The following LCOR variants were observed in gnomAD, a reference collection of about 807,000 sequenced individuals.
LCOR encodes ligand dependent nuclear receptor corepressor.
Under a neutral mutation model 64.4 loss-of-function variants are expected in LCOR, and 14 were observed. The ratio of observed to expected loss-of-function variants is 0.22; its 90% CI spans 0.14 to 0.34. The LOEUF is 0.34. Ranked by LOEUF, LCOR falls within the 10% of genes least tolerant of loss-of-function variation. The pLI, the probability that LCOR is intolerant of heterozygous loss-of-function variation, is 1.00. For synonymous variants in LCOR, 643 were observed against 642.5 expected, an observed-to-expected ratio of 1.00 and a Z score of -0.01; for missense variants, 1,686 against 1,765.3, an observed-to-expected ratio of 0.96 and a Z score of 0.80.
rs1161421154 is a variant in LCOR, at chr10:96,992,172, C to T, written c.*7038C>T. On this transcript the variant is annotated 3_prime_UTR_variant, in exon 8 of 8. Coordinates refer to ENST00000421806, the MANE Select transcript of LCOR (RefSeq NM_001346516.2). ...CTATAGCTTAAGGTTATTGATTTCA[C>T]TAGTGTGGTTTCTGCATTCTAAATA... 4 of 152,014 alleles carry T rather than the reference C, an allele frequency of 2.6e-5. No homozygotes were observed. The highest frequency in any genetic ancestry group is 3.2e-3 in the Middle Eastern group (1 of 316). 9.4% of individuals were successfully genotyped at this position (152,014 alleles called of 1,614,324 possible).
At chr10:96,884,078 A>G (rs1326848159) in intron 2 of LCOR, among the ~76,000 whole-genome samples, 1 of 152,212 alleles carries the variant, frequency 6.6e-6, no homozygotes, top group South Asian at 2.1e-4. Context: ...TGCATAAATT[A>G]TTCAAGTTCA....
chr10:96,852,328 G>A (rs1245636304), intron 2 of LCOR, among the ~76,000 whole-genome samples: 2 of 152,142 alleles, frequency 1.3e-5, no homozygotes, highest in South Asian at 4.1e-4. Flanking sequence ...AGACTGAGGT[G>A]GGAGGATTGC....
chr10:96,832,833 C>G, intron 1 of LCOR: 2 of 231,428 alleles, frequency 8.6e-6, no homozygotes, highest in Non-Finnish European at 1.4e-5. Flanking sequence ...TGCTCGGCCC[C>G]CACCCGCGCT....
At chr10:96,935,604 C>T (rs983285092) in intron 4 of LCOR, among the ~76,000 whole-genome samples, 2 of 152,216 alleles carry the variant, frequency 1.3e-5, no homozygotes, top group African/African-American at 4.8e-5. Flanking sequence ...GAGGCCAAGG[C>T]AGGAGGATTG....
intron 2 of LCOR, among the ~76,000 whole-genome samples, chr10:96,878,327 T>C (rs1345483937): frequency 6.6e-6 from 1 of 152,182 alleles, no homozygotes; most frequent in Non-Finnish European, 1.5e-5. Flanking sequence ...CTGGAAGTTA[T>C]TGCATCAATC....
chr10:96,921,164 T>G (rs1035155774), intron 4 of LCOR, among the ~76,000 whole-genome samples: 1 of 152,130 alleles, frequency 6.6e-6, no homozygotes, highest in African/African-American at 2.4e-5. Flanking sequence ...ATATCAGATA[T>G]ATAATTTGCA....
intron 4 of LCOR, among the ~76,000 whole-genome samples, chr10:96,939,384 T>G (rs1847408426): frequency 6.6e-6 from 1 of 152,164 alleles, no homozygotes; most frequent in South Asian, 2.1e-4. Context: ...AAGTACGCCC[T>G]AAAAGTATAA....
rs747980484 is a variant in LCOR at position 96,983,769 on chromosome 10, T to C, written c.3309T>C (p.Ala1103=). 1 of 1,614,158 alleles carries C rather than the reference T, an allele frequency of 6.2e-7. No individual in the cohort carries two copies. The highest frequency in any genetic ancestry group is 8.5e-7 in the Non-Finnish European group (1 of 1,180,036). ...DEQPKFMEWC[A]EEENQELIAN... ...AGCCAAAGTTTATGGAATGGTGTGC[T>C]GAGGAGGAGAACCAAGAGCTCATCG... Residue 1103 remains alanine (A), a synonymous_variant, in exon 8 of 8, where the codon GCT becomes GCC. Coordinates refer to ENST00000421806, the MANE Select transcript of LCOR (RefSeq NM_001346516.2). This position sits in a 1 kb window ranked among gnomAD's most constrained non-coding sequence, Gnocchi z 4.5.
chr10:96,940,909 C>T (rs1338461070), intron 4 of LCOR, among the ~76,000 whole-genome samples: 8 of 148,348 alleles, frequency 5.4e-5, no homozygotes, highest in East Asian at 2.0e-4. Flanking sequence ...GAAGTGCCCC[C>T]CACCTCCCGG....
At chr10:96,939,293 GT>G (rs1279168232) in intron 4 of LCOR, among the ~76,000 whole-genome samples, 1 of 152,168 alleles carries the variant, frequency 6.6e-6, no homozygotes, top group African/African-American at 2.4e-5. Flanking sequence ...AACCAACTGA[GT>G]ATCCACATGG....
Position 96,989,695 on chromosome 10 carries a change from A to ATATATTTTTTT in LCOR, c.*4562_*4563insATATTTTTTTT, listed in dbSNP as rs1371771053. ...TAAGGATATATATATATATATATAT[A>ATATATTTTTTT]TTTTTTTTTTTTTTTTTTTTTTTTA... On this transcript the variant is annotated 3_prime_UTR_variant, in exon 8 of 8. Coordinates refer to ENST00000421806, the MANE Select transcript of LCOR (RefSeq NM_001346516.2). 1 of 86,190 alleles carries ATATATTTTTTT rather than the reference A, an allele frequency of 1.2e-5. No individual in the cohort carries two copies. The highest frequency in any genetic ancestry group is 6.2e-5 in the African/African-American group (1 of 16,156). The allele number at this position is 86,190 out of a possible 1,614,324, so 5.3% of individuals were successfully genotyped here. A position where few individuals can be genotyped will look rare whatever the true frequency, so the allele number is the denominator to read the frequency against.
intron 4 of LCOR, among the ~76,000 whole-genome samples, chr10:96,916,682 T>G (rs1021065713): frequency 4.0e-5 from 6 of 151,730 alleles, no homozygotes; most frequent in Non-Finnish European, 8.8e-5. Context: ...TGGCACGATC[T>G]CAGCTCGCTG....
intron 2 of LCOR, among the ~76,000 whole-genome samples, chr10:96,885,103 T>A (rs1846320899): frequency 6.6e-6 from 1 of 152,260 alleles, no homozygotes; most frequent in African/African-American, 2.4e-5. Context: ...GGAAGTTTCC[T>A]GTAAATCTAT....
intron 7 of LCOR, chr10:96,964,286 G>A (rs372281004): frequency 7.1e-5 from 10 of 140,300 alleles, no homozygotes; most frequent in Admixed American, 2.2e-4. Flanking sequence ...TTGTTCTTTC[G>A]TGCATGTGTA....
At chr10:96,866,901 G>T (rs1245866774) in intron 2 of LCOR, among the ~76,000 whole-genome samples, 1 of 152,082 alleles carries the variant, frequency 6.6e-6, no homozygotes, top group Non-Finnish European at 1.5e-5. Flanking sequence ...AAGAGGTTGT[G>T]CCACCACTTT....
intron 2 of LCOR, among the ~76,000 whole-genome samples, chr10:96,849,294 C>T (rs1256628679): frequency 2.6e-5 from 4 of 151,788 alleles, no homozygotes; most frequent in East Asian, 1.9e-4. Context: ...AGGATGGTCT[C>T]GATCTCCTGA....
chr10:96,894,596 AT>A (rs1589638002), intron 2 of LCOR, among the ~76,000 whole-genome samples: 1 of 152,342 alleles, frequency 6.6e-6, no homozygotes, highest in East Asian at 1.9e-4. Flanking sequence ...ACTATTAAGA[AT>A]TTTGTATATA....
intron 2 of LCOR, among the ~76,000 whole-genome samples, chr10:96,844,636 A>G (rs1845596740): frequency 6.6e-6 from 1 of 152,120 alleles, no homozygotes; most frequent in South Asian, 2.1e-4. Flanking sequence ...TGTTAGCTAA[A>G]TGAGTTTCTG....
At chr10:96,920,708 GTGTATATA>G (rs1480464534) in intron 4 of LCOR, among the ~76,000 whole-genome samples, 8 of 141,044 alleles carry the variant, frequency 5.7e-5, no homozygotes, top group Non-Finnish European at 9.1e-5. Flanking sequence ...TCATATATGT[GTGTATATA>G]TGTATATATG....
Sources: gnomAD v4.1 joint callset for allele counts (sites outside exome capture counted in the v4.1 genomes callset) on GRCh38, gnomAD v4.1.1 for gene constraint, Gnocchi (gnomAD v3.1) non-coding constraint, MANE v1.5 for transcripts, NCBI Gene and HGNC (gene_info 2026-07-23, HGNC 2026-07-21) for gene names.